Variants in COL6A1 observed in about 807,000 individuals in gnomAD.
The protein encoded by COL6A1 is collagen alpha-1(VI) chain.
COL6A1 carries 80 observed loss-of-function variants against 145.6 expected under a neutral mutation model. The ratio of observed to expected loss-of-function variants is 0.55; its 90% CI spans 0.46 to 0.66. The LOEUF is 0.66. Among genes scored for constraint, COL6A1 ranks in the 30% least tolerant of loss-of-function variants. The pLI is 0.00. For synonymous variants in COL6A1, 638 were observed against 622.8 expected, an observed-to-expected ratio of 1.02 and a Z score of -0.36; for missense variants, 1,364 against 1,473.8, an observed-to-expected ratio of 0.93 and a Z score of 1.22.
At chr21:45,990,466 A>T in intron 13 of COL6A1, 44 bp downstream of exon 13, 1 of 225,846 alleles carries the variant, frequency 4.4e-6, no homozygotes, top group Non-Finnish European at 6.2e-6. Flanking sequence ...ACGAGGAGGA[A>T]TGGGGCGAGA....
intron 19 of COL6A1, among the ~76,000 whole-genome samples, chr21:45,993,324 C>A (rs1230225798): frequency 6.6e-6 from 1 of 152,332 alleles, no homozygotes; most frequent in East Asian, 1.9e-4. Flanking sequence ...AAGCACAGGG[C>A]CCTTCTCTGT....
At chr21:45,985,225 G>A (rs1337563092) in intron 3 of COL6A1, among the ~76,000 whole-genome samples, 1 of 151,602 alleles carries the variant, frequency 6.6e-6, no homozygotes, top group East Asian at 2.0e-4. Context: ...GAGACAGAGA[G>A]AAGCAGAGAC....
intron 30 of COL6A1, 40 bp downstream of exon 30, chr21:46,001,426 C>T: frequency 6.2e-7 from 1 of 1,602,062 alleles, no homozygotes. Context: ...AGCCCAGGTG[C>T]ACCCCGACCC....
chr21:45,983,760 AGTTTCCCACCT>A (rs1275271865), intron 2 of COL6A1, among the ~76,000 whole-genome samples: 3 of 147,006 alleles, frequency 2.0e-5, no homozygotes, highest in Non-Finnish European at 3.0e-5. Context: ...CCCATGACTC[AGTTTCCCACCT>A]GTGAAATGGG....
chr21:45,984,065 C>T (rs979421340), intron 2 of COL6A1, among the ~76,000 whole-genome samples: 13 of 152,322 alleles, frequency 8.5e-5, no homozygotes, highest in Non-Finnish European at 1.8e-4. Context: ...CCTGAGGGAT[C>T]GGGGCGCAGG....
intron 4 of COL6A1, 87 bp from the exon 5 acceptor site, chr21:45,986,856 GC>G (rs1556424991): frequency 1.4e-5 from 22 of 1,530,310 alleles, no homozygotes; most frequent in Non-Finnish European, 1.9e-5. Flanking sequence ...GAGCGCCCCA[GC>G]CCAGCCTCCC....
chr21:45,987,687 G>C (rs768684270), intron 8 of COL6A1, 33 bp downstream of exon 8: 2 of 1,594,928 alleles, frequency 1.3e-6, no homozygotes. Flanking sequence ...CCCATGTGTT[G>C]TGGGGCCTGG....
Position 45,997,404 on chromosome 21 carries a change from T to C in COL6A1, c.1399-17T>C, listed in dbSNP as rs755925947. 1.7e-5 allele frequency: 27 copies of C among 1,612,366 alleles called. No homozygotes were observed. Among genetic ancestry groups the C allele is most frequent in the Non-Finnish European group, 2.1e-5 (25 of 1,179,518 alleles). Reference sequence around the variant, plus strand: ...GTGAGGCCTGTGGTCCAACGTGCCATATCCATCTCTCTACAGGGCGAGGCT... The same window carrying C: ...GTGAGGCCTGTGGTCCAACGTGCCACATCCATCTCTCTACAGGGCGAGGCT... On this transcript the variant is annotated splice_polypyrimidine_tract_variant and intron_variant, in intron 20 of 34. Coordinates refer to ENST00000361866, the MANE Select transcript of COL6A1 (RefSeq NM_001848.3).
chr21:45,994,301 AC>A lies in COL6A1; in HGVS notation c.1398+73del. On this transcript the variant is annotated intron_variant, in intron 20 of 34. Transcript: ENST00000361866. This position sits in a 1 kb window ranked among gnomAD's most constrained non-coding sequence, Gnocchi z 6.8. ...GGGGGTAGAAGTGCTCCAGCAGCTC[AC>A]GCACTGGGGGTCTGTTCATTTCCGT... The A allele has an allele frequency of 7.3e-7, 1 of 1,373,614 alleles. No individual in the cohort carries two copies. The highest frequency in any genetic ancestry group is 1.2e-5 in the South Asian group (1 of 81,120). The allele number at this position is 1,373,614 out of a possible 1,614,324, so 85.1% of individuals were successfully genotyped here. A position where few individuals can be genotyped will look rare whatever the true frequency, so the allele number is the denominator to read the frequency against.
Position 46,004,191 on chromosome 21 carries a change from G to A in COL6A1, c.*178G>A. 1 of 859,098 alleles carries A rather than the reference G, an allele frequency of 1.2e-6. No individual in the cohort carries two copies. The allele number at this position is 859,098 out of a possible 1,614,324, so 53.2% of individuals were successfully genotyped here. A position where few individuals can be genotyped will look rare whatever the true frequency, so the allele number is the denominator to read the frequency against. The stretch of plus-strand genomic sequence containing the variant: ...CCTGCTTTGTGCAGGGTCCTCCGGG[G>A]CTCAGCCCTGAGTTGGCATCACCTG... On this transcript the variant is annotated 3_prime_UTR_variant, in exon 35 of 35. Coordinates refer to ENST00000361866, the MANE Select transcript of COL6A1 (RefSeq NM_001848.3).
chr21:46,000,298 A>G (rs764347846), intron 27 of COL6A1, 33 bp from the exon 28 acceptor site: 4 of 1,613,546 alleles, frequency 2.5e-6, no homozygotes, highest in Non-Finnish European at 2.5e-6. Context: ...GGGGCTGTCT[A>G]TGGCCCCAGT....
intron 8 of COL6A1, 121 bp from the exon 9 acceptor site, chr21:45,988,963 G>A: frequency 1.7e-6 from 2 of 1,153,692 alleles, no homozygotes; most frequent in Non-Finnish European, 2.5e-6. Flanking sequence ...GATGGGGAAG[G>A]TGCTTTAAAG....
rs200537886 is a variant in COL6A1, at chr21:45,984,251, C to T, written c.228-18C>T. The T allele has an allele frequency of 3.0e-5, 48 of 1,595,634 alleles. 1 individual carries two copies. The Admixed American group carries it at 4.0e-4, about 13-fold the overall frequency. ...CAGGGGCCGCCCGCCTCACGCCCGC[C>T]GTGCCTGTTCCTGGCAGGTACTACC... On this transcript the variant is annotated intron_variant, in intron 2 of 34. Transcript: ENST00000361866.
At chr21:45,986,845 G>A (rs1362635024) in intron 4 of COL6A1, 99 bp from the exon 5 acceptor site, 1 of 1,527,206 alleles carries the variant, frequency 6.5e-7, no homozygotes, top group African/African-American at 1.4e-5. Flanking sequence ...TGAGGAGCCT[G>A]GAGCGCCCCA....
intron 27 of COL6A1, 73 bp downstream of exon 27, chr21:45,999,765 C>A: frequency 9.9e-6 from 13 of 1,308,094 alleles, no homozygotes; most frequent in Non-Finnish European, 1.3e-5. Flanking sequence ...GGGTCCTGTC[C>A]ATGGGTGCTC....
At chr21:46,000,986 G>T in intron 29 of COL6A1, 1 of 712,910 alleles carries the variant, frequency 1.4e-6, no homozygotes, top group Non-Finnish European at 2.4e-6. Context: ...ATAACCAGGA[G>T]CAGGCTTGGG....
Position 46,001,963 on chromosome 21 carries a change from C to G in COL6A1, c.1959C>G (p.Phe653Leu), listed in dbSNP as rs112104768. 6.8e-6 allele frequency: 11 copies of G among 1,611,928 alleles called. 1 individual carries two copies. The South Asian group carries it at 1.2e-4, about 18-fold the overall frequency. ...TGACCCCGGTGCCGGTCCCACAGTTCGAGCCAGGGCAGTCGTACGCGGGTG... is the reference window on the plus strand; with the variant it reads ...TGACCCCGGTGCCGGTCCCACAGTTGGAGCCAGGGCAGTCGTACGCGGGTG... ...DRLSRDELVK[F>L]EPGQSYAGVV... The change falls in exon 31 of 35, where the codon TTC (phenylalanine) becomes TTG (leucine). Residue 653 changes from phenylalanine (F) to leucine (L), a missense_variant and splice_region_variant. Transcript: ENST00000361866.
chr21:45,992,891 A>G (rs556897762), intron 19 of COL6A1, 81 bp downstream of exon 19: 1 of 1,284,330 alleles, frequency 7.8e-7, no homozygotes, highest in Non-Finnish European at 1.1e-6. Flanking sequence ...CTCCAGAGCC[A>G]CAGGACACAT....
rs2123470416 is a variant in COL6A1, at chr21:45,989,142, G to A, written c.858+5G>A. 1 of 1,598,912 alleles carries A rather than the reference G, an allele frequency of 6.3e-7. No individual in the cohort carries two copies. ...AAGGGAGAAGCCGGAGATCCTGTGA[G>A]TGCCTGACTGTGGGGTGGGGGCCCT... On this transcript the variant is annotated splice_donor_5th_base_variant and intron_variant, in intron 9 of 34. Coordinates refer to ENST00000361866, the MANE Select transcript of COL6A1 (RefSeq NM_001848.3).
Sources: allele counts gnomAD v4.1 joint callset (sites outside exome capture counted in the v4.1 genomes callset), GRCh38; gene constraint gnomAD v4.1.1; non-coding constraint Gnocchi (gnomAD v3.1); transcripts MANE v1.5; gene names NCBI Gene and HGNC (gene_info 2026-07-23, HGNC 2026-07-21).